The following DTWD2 variants were observed in gnomAD, a reference collection of about 807,000 sequenced individuals.
DTWD2 encodes the protein tRNA-uridine aminocarboxypropyltransferase 2.
Under a neutral mutation model 31.8 loss-of-function variants are expected in DTWD2, and 39 were observed. The ratio of observed to expected loss-of-function variants is 1.22; its 90% CI spans 0.95 to 1.60. DTWD2 has a LOEUF of 1.60. Ranked by LOEUF, DTWD2 falls within the 40% of genes most tolerant of loss-of-function variation. The probability of loss-of-function intolerance (pLI) is 0.00; values close to 1 mark genes in which losing one functional copy is unlikely to be tolerated. For synonymous variants in DTWD2, 180 were observed against 142.8 expected, an observed-to-expected ratio of 1.26 and a Z score of -1.86; for missense variants, 515 against 381.5, an observed-to-expected ratio of 1.35 and a Z score of -2.92.
intron 4 of DTWD2, among the ~76,000 whole-genome samples, chr5:118,853,449 A>G (rs773062544): frequency 6.6e-6 from 1 of 152,146 alleles, no homozygotes; most frequent in Non-Finnish European, 1.5e-5. Context: ...ACATGCACTT[A>G]TATGTTCACT....
chr5:118,972,017 C>G (rs777930791), intron 1 of DTWD2, among the ~76,000 whole-genome samples: 4 of 152,100 alleles, frequency 2.6e-5, no homozygotes, highest in Non-Finnish European at 4.4e-5. Flanking sequence ...CATCAAAAAG[C>G]TAGTAAGATC....
intron 3 of DTWD2, among the ~76,000 whole-genome samples, chr5:118,936,822 T>C (rs1036217264): frequency 2.6e-5 from 4 of 152,016 alleles, no homozygotes; most frequent in Admixed American, 6.6e-5. Context: ...CAAATCTTGA[T>C]TCTTTAAAGA....
intron 1 of DTWD2, among the ~76,000 whole-genome samples, chr5:118,961,862 A>T (rs570810172): frequency 6.6e-6 from 1 of 152,362 alleles, no homozygotes; most frequent in African/African-American, 2.4e-5. Context: ...AAAGTAAAGA[A>T]AATATATTGA....
intron 4 of DTWD2, among the ~76,000 whole-genome samples, chr5:118,917,337 A>G (rs1753600264): frequency 6.6e-6 from 1 of 152,254 alleles, no homozygotes; most frequent in Admixed American, 6.5e-5. Context: ...CTTTCCCTAA[A>G]ATAAAACACA....
chr5:118,843,199 C>A (rs950643475), intron 5 of DTWD2, among the ~76,000 whole-genome samples: 1 of 151,794 alleles, frequency 6.6e-6, no homozygotes, highest in African/African-American at 2.4e-5. Flanking sequence ...TCGTGATCCA[C>A]CTGCCTCGGC....
intron 1 of DTWD2, among the ~76,000 whole-genome samples, chr5:118,952,879 CTTTT>C (rs1396784565): frequency 6.6e-6 from 1 of 152,200 alleles, no homozygotes; most frequent in African/African-American, 2.4e-5. Flanking sequence ...AATTCACTTT[CTTTT>C]ATTTTAGTCG....
chr5:118,987,928 T>A (rs1242628576), intron 1 of DTWD2, among the ~76,000 whole-genome samples: 1 of 152,240 alleles, frequency 6.6e-6, no homozygotes, highest in Non-Finnish European at 1.5e-5. Context: ...CACTTTATGC[T>A]TTTTAACTGT....
intron 4 of DTWD2, among the ~76,000 whole-genome samples, chr5:118,884,824 G>T (rs1243465939): frequency 1.3e-5 from 2 of 151,572 alleles, no homozygotes; most frequent in Non-Finnish European, 2.9e-5. Context: ...GGCTAACACG[G>T]TGAAACCCGG....
intron 1 of DTWD2, among the ~76,000 whole-genome samples, chr5:118,978,008 T>C (rs185529754): frequency 7.2e-4 from 110 of 152,148 alleles, no homozygotes; most frequent in Admixed American, 2.9e-3. Context: ...ACCAGACACA[T>C]AGACCAATGG....
intron 3 of DTWD2, among the ~76,000 whole-genome samples, chr5:118,929,782 C>T (rs1358710838): frequency 1.3e-5 from 2 of 152,202 alleles, no homozygotes; most frequent in African/African-American, 4.8e-5. Context: ...GAGAAAAACA[C>T]ATGGCAGCCA....
intron 4 of DTWD2, among the ~76,000 whole-genome samples, chr5:118,919,076 T>A (rs1016160659): frequency 2.0e-5 from 3 of 152,214 alleles, no homozygotes; most frequent in African/African-American, 7.2e-5. Context: ...CACATACATA[T>A]ATTTATTTAA....
chr5:118,924,132 G>T (rs1328074087), intron 4 of DTWD2, among the ~76,000 whole-genome samples: 2 of 152,112 alleles, frequency 1.3e-5, no homozygotes, highest in East Asian at 3.9e-4. Flanking sequence ...AACAGACAGG[G>T]GCAGTGAACT....
At chr5:118,866,063 G>A (rs191349275) in intron 4 of DTWD2, among the ~76,000 whole-genome samples, 2 of 152,000 alleles carry the variant, frequency 1.3e-5, no homozygotes, top group South Asian at 2.1e-4. Context: ...GAGAGTAACT[G>A]ATGACCCTTA....
chr5:118,847,953 A>G, intron 5 of DTWD2, 137 bp downstream of exon 5: 1 of 948,954 alleles, frequency 1.1e-6, no homozygotes, highest in Non-Finnish European at 1.5e-6. Context: ...AAACAAGGTT[A>G]TAAAAGTACA....
chr5:118,844,456 A>C (rs1235974692), intron 5 of DTWD2, among the ~76,000 whole-genome samples: 6 of 152,216 alleles, frequency 3.9e-5, no homozygotes, highest in African/African-American at 7.2e-5. Flanking sequence ...TTCTTTTGCC[A>C]ATCTACAGGC....
intron 4 of DTWD2, among the ~76,000 whole-genome samples, chr5:118,913,434 C>T (rs575880729): frequency 9.4e-4 from 128 of 135,588 alleles, no homozygotes; most frequent in African/African-American, 2.4e-3. Context: ...TATATATATA[C>T]ACACACACAC....
chr5:118,870,034 G>A (rs1231889090), intron 4 of DTWD2, among the ~76,000 whole-genome samples: 1 of 152,120 alleles, frequency 6.6e-6, no homozygotes, highest in Non-Finnish European at 1.5e-5. Context: ...CTTGCCATGT[G>A]ACCTACTAGC....
chr5:118,873,036 G>T (rs1324221285), intron 4 of DTWD2, among the ~76,000 whole-genome samples: 3 of 152,196 alleles, frequency 2.0e-5, no homozygotes, highest in African/African-American at 7.2e-5. Context: ...AGCCACAACA[G>T]CTCCAGGGAA....
intron 1 of DTWD2, among the ~76,000 whole-genome samples, chr5:118,959,652 T>G (rs898910122): frequency 2.0e-5 from 3 of 152,184 alleles, no homozygotes; most frequent in Non-Finnish European, 2.9e-5. Flanking sequence ...ACAATTGCAA[T>G]TCTAAGCAAA....
Sources: gnomAD v4.1 joint callset for allele counts (sites outside exome capture counted in the v4.1 genomes callset) on GRCh38, gnomAD v4.1.1 for gene constraint, MANE v1.5 for transcripts, NCBI Gene and HGNC (gene_info 2026-07-23, HGNC 2026-07-21) for gene names.